The following ADGRL3 variants were observed in gnomAD, a reference collection of about 807,000 sequenced individuals.
ADGRL3 encodes the protein adhesion G protein-coupled receptor L3.
In ADGRL3, 62 loss-of-function variants were observed where a neutral mutation model predicts 153.5. That is an observed-to-expected ratio of 0.40 (90% CI 0.33 to 0.50). The LOEUF (loss-of-function observed/expected upper bound fraction) is 0.50, where lower values mean the gene tolerates loss of function less well. ADGRL3 is among the 20% of genes least tolerant of loss of function. The pLI is 0.47. For synonymous variants in ADGRL3, 710 were observed against 672.5 expected (o/e 1.06, Z -0.86); for missense variants, 1,641 against 1,859.4 (o/e 0.88, Z 2.16).
At chr4:61,826,589 C>T (rs1243035052) in intron 9 of ADGRL3, among the ~76,000 whole-genome samples, 3 of 152,038 alleles carry the variant, frequency 2.0e-5, no homozygotes, top group Non-Finnish European at 2.9e-5. Context: ...TCTTGTAAGA[C>T]GTGAAGGAAG....
In ADGRL3 at chr4:61,416,120, C is replaced by A. The variant is rs141096267; in HGVS notation, c.-174+32931C>A. ...ATGAAGGTATTTTTCATTATTTTAA[C>A]CATGTGCTGATATCTAGATTAGGTA... On this transcript the variant is annotated intron_variant, in intron 2 of 26. Coordinates refer to ENST00000683033, the MANE Select transcript of ADGRL3 (RefSeq NM_001387552.1). Among the ~76,000 whole-genome samples the A allele has an allele frequency of 5.3e-5, 8 of 151,958 alleles. No homozygotes were observed. The East Asian group carries it at 1.4e-3, about 26-fold the overall frequency.
At chr4:62,023,122 A>T (rs2099245693) in intron 21 of ADGRL3, among the ~76,000 whole-genome samples, 1 of 152,180 alleles carries the variant, frequency 6.6e-6, no homozygotes, top group Admixed American at 6.6e-5. Flanking sequence ...AAAAATGTTA[A>T]CATCAATAGG....
intron 21 of ADGRL3, among the ~76,000 whole-genome samples, chr4:62,011,686 C>A (rs2099187241): frequency 6.6e-6 from 1 of 152,030 alleles, no homozygotes; most frequent in South Asian, 2.1e-4. Context: ...CTAATTATTT[C>A]TAAGCATGTC....
At chr4:61,823,911 A>G (rs1022687545) in intron 9 of ADGRL3, among the ~76,000 whole-genome samples, 2 of 152,084 alleles carry the variant, frequency 1.3e-5, no homozygotes, top group South Asian at 2.1e-4. Context: ...AATACAAAAA[A>G]TTAGCTGGGC....
At chr4:61,863,231 CT>C (rs1189171329) in intron 9 of ADGRL3, among the ~76,000 whole-genome samples, 338 of 80,882 alleles carry the variant, frequency 4.2e-3, no homozygotes, top group Middle Eastern at 0.027. Flanking sequence ...GGGCATCATT[CT>C]TTTTTTTTTT....
chr4:61,379,343 A>G (rs954028332), intron 1 of ADGRL3, among the ~76,000 whole-genome samples: 1 of 152,060 alleles, frequency 6.6e-6, no homozygotes, highest in South Asian at 2.1e-4. Context: ...AAAAATTGAA[A>G]TGATGGATAT....
intron 1 of ADGRL3, among the ~76,000 whole-genome samples, chr4:61,260,674 T>G (rs1174286484): frequency 6.6e-6 from 1 of 152,188 alleles, no homozygotes; most frequent in Non-Finnish European, 1.5e-5. Flanking sequence ...ATTAAGAGAC[T>G]GGTTTAGGAG....
At chr4:61,971,660 T>C (rs1382963394) in intron 17 of ADGRL3, among the ~76,000 whole-genome samples, 1 of 152,178 alleles carries the variant, frequency 6.6e-6, no homozygotes, top group Non-Finnish European at 1.5e-5. Flanking sequence ...TATAGTCCTT[T>C]GGGTATATAC....
At chr4:61,934,680 T>C (rs2150140420) in intron 13 of ADGRL3, among the ~76,000 whole-genome samples, 160 bp from the exon 14 acceptor site, 1 of 152,304 alleles carries the variant, frequency 6.6e-6, no homozygotes, top group Non-Finnish European at 1.5e-5. Context: ...AACAAAATAA[T>C]GAATGCTTCT....
chr4:61,324,685 C>A (rs540022929), intron 1 of ADGRL3, among the ~76,000 whole-genome samples: 2 of 152,086 alleles, frequency 1.3e-5, no homozygotes, highest in Non-Finnish European at 2.9e-5. Flanking sequence ...AAATAGGAAG[C>A]AACAAAATGT....
intron 9 of ADGRL3, among the ~76,000 whole-genome samples, chr4:61,868,276 C>A (rs1336393631): frequency 2.6e-5 from 4 of 151,920 alleles, no homozygotes; most frequent in Non-Finnish European, 4.4e-5. Flanking sequence ...CCATCCATTT[C>A]TCTCCCCATA....
rs773792919 is a variant in ADGRL3, at chr4:61,733,050, T to G, written c.895T>G (p.Phe299Val). The change falls in exon 8 of 27, where the codon TTT (phenylalanine) becomes GTT (valine). Residue 299 changes from phenylalanine (F) to valine (V), a missense_variant. Transcript: ENST00000683033. ...NKERTRNIVKFDLRTRIKSGE... is the reference protein window; with the variant it reads ...NKERTRNIVKVDLRTRIKSGE... ...AGAGCGCACCAGGAACATAGTAAAG[T>G]TTGATTTGCGGACTAGGATAAAGAG... is the stretch of plus-strand genomic sequence containing the variant. 6.2e-7 allele frequency: 1 copy of G among 1,613,724 alleles called. No individual in the cohort carries two copies. Among genetic ancestry groups the G allele is most frequent in the Non-Finnish European group, 8.5e-7 (1 of 1,179,800 alleles).
At chr4:61,727,191 G>A (rs2096363691) in intron 6 of ADGRL3, among the ~76,000 whole-genome samples, 1 of 151,996 alleles carries the variant, frequency 6.6e-6, no homozygotes, top group Non-Finnish European at 1.5e-5. Flanking sequence ...GGGAAATATA[G>A]AGGAAAATTT....
chr4:61,703,810 T>C (rs1404919814), intron 6 of ADGRL3, among the ~76,000 whole-genome samples: 1 of 152,052 alleles, frequency 6.6e-6, no homozygotes, highest in Non-Finnish European at 1.5e-5. Flanking sequence ...CTTCTTTATA[T>C]GTTCCTTCTG....
chr4:62,077,019 C>G lies in ADGRL3; in HGVS notation c.*6111C>G, dbSNP rs1747375093. On this transcript the variant is annotated 3_prime_UTR_variant, in exon 27 of 27. Transcript: ENST00000683033. ...AGACTGAACAAATAACCACTCTGCTCCAAATATTACTCTCAAGTTCTCTGC... is the reference window on the plus strand; with the variant it reads ...AGACTGAACAAATAACCACTCTGCTGCAAATATTACTCTCAAGTTCTCTGC... 1.3e-5 allele frequency: 2 copies of G among 151,612 alleles called. No individual in the cohort carries two copies. Among genetic ancestry groups the G allele is most frequent in the African/African-American group, 4.8e-5 (2 of 41,326 alleles). 9.4% of individuals were successfully genotyped at this position (151,612 alleles called of 1,614,324 possible).
rs577884577 is a variant in ADGRL3, at chr4:61,686,283, C to T, written c.583+9348C>T. On this transcript the variant is annotated intron_variant, in intron 6 of 26. Transcript: ENST00000683033. Reference sequence around the variant, plus strand: ...AGACATACAAAGGTAGGGTTTTCATCCCAAAGTATTTGTTGCTGAAAAGAT... The same window carrying T: ...AGACATACAAAGGTAGGGTTTTCATTCCAAAGTATTTGTTGCTGAAAAGAT... Among the ~76,000 whole-genome samples the T allele has an allele frequency of 9.9e-5, 15 of 152,064 alleles. No individual in the cohort carries two copies. In the South Asian group the frequency reaches 3.1e-3, roughly 32 times the overall value.
chr4:61,789,741 T>C (rs76105562), intron 8 of ADGRL3, among the ~76,000 whole-genome samples: 3,613 of 152,294 alleles, frequency 0.024, 60 homozygotes, highest in Non-Finnish European at 0.036. Flanking sequence ...TAATGTTTAA[T>C]CAGTATTTTC....
chr4:61,272,718 T>C (rs1226185759), intron 1 of ADGRL3, among the ~76,000 whole-genome samples: 1 of 152,158 alleles, frequency 6.6e-6, no homozygotes, highest in Admixed American at 6.6e-5. Flanking sequence ...GTGACTTTAA[T>C]TGTCAAAACT....
At position 61,807,750 on chromosome 4, in the gene ADGRL3, G is replaced by A. The variant is rs185117989; in HGVS notation, c.1400-6059G>A. Among the ~76,000 whole-genome samples, 27 of 152,106 alleles carry A rather than the reference G, an allele frequency of 1.8e-4. No individual in the cohort carries two copies. In the East Asian group the frequency reaches 5.0e-3, roughly 28 times the overall value. On this transcript the variant is annotated intron_variant, in intron 8 of 26. Coordinates refer to ENST00000683033, the MANE Select transcript of ADGRL3 (RefSeq NM_001387552.1). Reference sequence around the variant, plus strand: ...CCCTATATTTTAGAGATGCATTCTCGAATAATTTACAGATGAAATTATATG... The same window carrying A: ...CCCTATATTTTAGAGATGCATTCTCAAATAATTTACAGATGAAATTATATG...
Sources: gnomAD v4.1 joint callset for allele counts (sites outside exome capture counted in the v4.1 genomes callset) on GRCh38, gnomAD v4.1.1 for gene constraint, MANE v1.5 for transcripts, NCBI Gene and HGNC (gene_info 2026-07-23, HGNC 2026-07-21) for gene names.